Variants in RUNX1 observed in about 807,000 individuals in gnomAD.
The protein encoded by RUNX1 is runt-related transcription factor 1.
Under a neutral mutation model 42.8 loss-of-function variants are expected in RUNX1, and 19 were observed. That is an observed-to-expected ratio of 0.44 (90% CI 0.31 to 0.65). RUNX1 has a LOEUF of 0.65. Among genes scored for constraint, RUNX1 ranks in the 30% least tolerant of loss-of-function variants. RUNX1 has a pLI of 0.07. For missense variants in RUNX1, 528 were observed against 672.0 expected, an observed-to-expected ratio of 0.79 and a Z score of 2.37; for synonymous variants, 271 against 289.4, an observed-to-expected ratio of 0.94 and a Z score of 0.64.
chr21:34,801,326 T>G (rs1227678921), intron 7 of RUNX1, among the ~76,000 whole-genome samples: 1 of 152,082 alleles, frequency 6.6e-6, no homozygotes, highest in Non-Finnish European at 1.5e-5. Flanking sequence ...ACCCCATGTC[T>G]AAAGCCACAC....
At chr21:34,931,155 T>C (rs1193556155) in intron 2 of RUNX1, among the ~76,000 whole-genome samples, 1 of 152,052 alleles carries the variant, frequency 6.6e-6, no homozygotes, top group East Asian at 1.9e-4. Flanking sequence ...AAAGGAATTT[T>C]GACTTGGGTT....
At chr21:35,014,168 ATATCTTAGT>A (rs372140757) in intron 2 of RUNX1, among the ~76,000 whole-genome samples, 18 of 152,322 alleles carry the variant, frequency 1.2e-4, no homozygotes, top group African/African-American at 4.1e-4. Flanking sequence ...TTAAAAATTA[ATATCTTAGT>A]TATCTTAGTT....
At chr21:34,957,020 C>T (rs1020734079) in intron 2 of RUNX1, among the ~76,000 whole-genome samples, 1 of 152,192 alleles carries the variant, frequency 6.6e-6, no homozygotes, top group African/African-American at 2.4e-5. Context: ...CAGGCACCCA[C>T]ATTGTTCTTT....
chr21:34,830,654 G>A (rs891661832), intron 7 of RUNX1, among the ~76,000 whole-genome samples: 8 of 152,124 alleles, frequency 5.3e-5, no homozygotes, highest in Non-Finnish European at 1.0e-4. Flanking sequence ...CTGGGTTTGC[G>A]TCCAAGTTCA....
chr21:34,994,850 C>T (rs946131249), intron 2 of RUNX1, among the ~76,000 whole-genome samples: 4 of 152,128 alleles, frequency 2.6e-5, no homozygotes, highest in Non-Finnish European at 5.9e-5. Flanking sequence ...AACTTCCAGC[C>T]TAATACTGAC....
intron 6 of RUNX1, among the ~76,000 whole-genome samples, chr21:34,848,799 G>A (rs959312929): frequency 3.3e-5 from 5 of 152,136 alleles, no homozygotes; most frequent in African/African-American, 9.7e-5. Flanking sequence ...CGCGTGGGAC[G>A]TGGCTCCGCA....
At chr21:34,956,461 T>C (rs747879092) in intron 2 of RUNX1, among the ~76,000 whole-genome samples, 7 of 152,168 alleles carry the variant, frequency 4.6e-5, no homozygotes, top group Non-Finnish European at 8.8e-5. Context: ...TCAAGCTCCT[T>C]GGGTCTTCGA....
intron 2 of RUNX1, among the ~76,000 whole-genome samples, chr21:34,942,953 G>A (rs1211970614): frequency 2.0e-5 from 3 of 152,242 alleles, no homozygotes; most frequent in African/African-American, 2.4e-5. Flanking sequence ...CTGAAGTCAA[G>A]TCAAGCTCCT....
chr21:34,936,854 G>T (rs1439593065), intron 2 of RUNX1, among the ~76,000 whole-genome samples: 1 of 152,148 alleles, frequency 6.6e-6, no homozygotes, highest in Non-Finnish European at 1.5e-5. Context: ...CAGTTGAAAA[G>T]AATTCTTTTT....
At chr21:35,020,446 G>C (rs981081113) in intron 2 of RUNX1, among the ~76,000 whole-genome samples, 20 of 152,256 alleles carry the variant, frequency 1.3e-4, no homozygotes, top group Non-Finnish European at 2.9e-4. Context: ...GAGGCCTTTG[G>C]GGATGTTCCT....
intron 2 of RUNX1, among the ~76,000 whole-genome samples, chr21:35,021,790 T>C (rs1601682112): frequency 6.6e-6 from 1 of 152,114 alleles, no homozygotes; most frequent in African/African-American, 2.4e-5. Flanking sequence ...TCAGGCCTCA[T>C]CCAGGGAGAC....
intron 5 of RUNX1, among the ~76,000 whole-genome samples, chr21:34,867,412 C>T (rs553790780): frequency 5.3e-5 from 8 of 152,258 alleles, no homozygotes; most frequent in African/African-American, 1.9e-4. Flanking sequence ...TGCACTCCAG[C>T]CTGGGTGACA....
chr21:35,022,895 G>GAATAATAATAATAATAATAAT (rs71196925), intron 2 of RUNX1, among the ~76,000 whole-genome samples: 4,671 of 144,184 alleles, frequency 0.032, 83 homozygotes, highest in Non-Finnish European at 0.037. Flanking sequence ...TACTCTGTTT[G>GAATAATAATAATAATAATAAT]AATAATAATA....
At chr21:34,869,595 C>G (rs953231186) in intron 5 of RUNX1, among the ~76,000 whole-genome samples, 1 of 152,156 alleles carries the variant, frequency 6.6e-6, no homozygotes, top group Non-Finnish European at 1.5e-5. Context: ...CCAGATGAAC[C>G]AGTGCTGAGT....
intron 2 of RUNX1, among the ~76,000 whole-genome samples, chr21:34,912,711 C>T (rs1351597349): frequency 6.6e-6 from 1 of 152,210 alleles, no homozygotes; most frequent in East Asian, 1.9e-4. Flanking sequence ...GGAAAGCACA[C>T]ATCTGATGCA....
chr21:34,909,987 C>T (rs2058259311), intron 2 of RUNX1, among the ~76,000 whole-genome samples: 1 of 152,202 alleles, frequency 6.6e-6, no homozygotes, highest in Admixed American at 6.5e-5. Flanking sequence ...GCCTGGGCTG[C>T]CCCCAGTGTT....
At chr21:34,931,667 G>A (rs1313714646) in intron 2 of RUNX1, among the ~76,000 whole-genome samples, 3 of 148,736 alleles carry the variant, frequency 2.0e-5, no homozygotes, top group South Asian at 4.2e-4. Context: ...CTGATTGATT[G>A]GAATTGGCTG....
chr21:34,859,974 A>G (rs1302514103), intron 5 of RUNX1, among the ~76,000 whole-genome samples: 1 of 152,236 alleles, frequency 6.6e-6, no homozygotes, highest in African/African-American at 2.4e-5. Context: ...AACCATATCC[A>G]TCTTTCTCTT....
intron 2 of RUNX1, among the ~76,000 whole-genome samples, chr21:34,975,055 T>C (rs2058790963): frequency 7.0e-6 from 1 of 143,632 alleles, no homozygotes; most frequent in African/African-American, 2.9e-5. Flanking sequence ...GCCAGCTAGA[T>C]GTGGAAACTA....
Sources: gnomAD v4.1 joint callset for allele counts (sites outside exome capture counted in the v4.1 genomes callset) on GRCh38, gnomAD v4.1.1 for gene constraint, MANE v1.5 for transcripts, NCBI Gene and HGNC (gene_info 2026-07-23, HGNC 2026-07-21) for gene names.